Variants in INTS10 observed in about 807,000 individuals in gnomAD.
INTS10 encodes integrator complex subunit 10.
Under a neutral mutation model 94.4 loss-of-function variants are expected in INTS10, and 44 were observed. The ratio of observed to expected loss-of-function variants is 0.47; its 90% CI spans 0.37 to 0.60. The LOEUF (loss-of-function observed/expected upper bound fraction) is 0.60, where lower values mean the gene tolerates loss of function less well. INTS10 is among the 20% of genes least tolerant of loss of function. The pLI is 0.00. For synonymous variants in INTS10, 341 were observed against 320.7 expected, an observed-to-expected ratio of 1.06 and a Z score of -0.68; for missense variants, 797 against 868.7, an observed-to-expected ratio of 0.92 and a Z score of 1.04.
intron 8 of INTS10, among the ~76,000 whole-genome samples, chr8:19,825,303 A>C (rs1271625259): frequency 6.6e-6 from 1 of 152,216 alleles, no homozygotes; most frequent in Non-Finnish European, 1.5e-5. Context: ...AGGCCGGTGA[A>C]TCACTTGAGG....
In INTS10 at chr8:19,849,068, T is replaced by G; in HGVS notation, c.1977-2581T>G. 2.0e-6 allele frequency: 1 copy of G among 508,130 alleles called. No individual in the cohort carries two copies. The highest frequency in any genetic ancestry group is 3.5e-6 in the Non-Finnish European group (1 of 284,748). 31.5% of individuals were successfully genotyped at this position (508,130 alleles called of 1,614,324 possible). A position where few individuals can be genotyped will look rare whatever the true frequency, so the allele number is the denominator to read the frequency against. The stretch of plus-strand genomic sequence containing the variant: ...TTAATGAGTTTCTGTTTAGTCTGCT[T>G]CTAGTCTTGTGTATTTTCTCTGGAG... On this transcript the variant is annotated intron_variant, in intron 16 of 16. Coordinates refer to ENST00000397977, the MANE Select transcript of INTS10 (RefSeq NM_018142.4). This position sits in a 1 kb window ranked among gnomAD's most constrained non-coding sequence, Gnocchi z 4.6.
intron 3 of INTS10, among the ~76,000 whole-genome samples, chr8:19,819,884 G>A (rs768640776): frequency 2.6e-5 from 4 of 152,184 alleles, no homozygotes; most frequent in Non-Finnish European, 4.4e-5. Context: ...TCAGTGAGAC[G>A]AGGAATTAAT....
At chr8:19,847,748 G>A (rs193297380) in intron 16 of INTS10, among the ~76,000 whole-genome samples, 2 of 152,282 alleles carry the variant, frequency 1.3e-5, no homozygotes, top group African/African-American at 4.8e-5. Context: ...AGTGACATAA[G>A]TCCAAGTGGA....
intron 2 of INTS10, 104 bp downstream of exon 2, chr8:19,818,446 T>A: frequency 8.5e-7 from 1 of 1,178,504 alleles, no homozygotes; most frequent in African/African-American, 1.5e-5. Flanking sequence ...CAAGTTCATC[T>A]ATATCTTCGA....
At chr8:19,844,313 A>G (rs1010012849) in intron 15 of INTS10, 75 bp downstream of exon 15, 2 of 1,086,976 alleles carry the variant, frequency 1.8e-6, no homozygotes, top group Admixed American at 4.6e-5. Flanking sequence ...AAAAGAATGA[A>G]CCATTCTGGA....
At chr8:19,818,203 C>G (rs899508956) in intron 1 of INTS10, 72 bp from the exon 2 acceptor site, 2 of 1,474,104 alleles carry the variant, frequency 1.4e-6, no homozygotes, top group East Asian at 2.3e-5. Flanking sequence ...GGAGGGCCAA[C>G]GAGCGATGCT....
At chr8:19,840,719 ATG>A in intron 13 of INTS10, among the ~76,000 whole-genome samples, 1 of 152,100 alleles carries the variant, frequency 6.6e-6, no homozygotes, top group African/African-American at 2.4e-5. Context: ...TACGTTGTAT[ATG>A]TTTGAAGTTT....
At chr8:19,834,674 G>T (rs137897885) in intron 12 of INTS10, among the ~76,000 whole-genome samples, 40 of 152,272 alleles carry the variant, frequency 2.6e-4, no homozygotes, top group African/African-American at 9.4e-4. Context: ...GGCAGTGTCA[G>T]ACTGACCTGA....
chr8:19,832,087 C>T lies in INTS10; in HGVS notation c.1354C>T (p.Leu452Phe), dbSNP rs773301792. 1.3e-6 allele frequency: 2 copies of T among 1,589,982 alleles called. No individual in the cohort carries two copies. Among genetic ancestry groups the T allele is most frequent in the Middle Eastern group, 1.7e-4 (1 of 6,014 alleles). Residue 452 changes from leucine (L) to phenylalanine (F), a missense_variant, in exon 11 of 17, where the codon CTC (leucine) becomes TTC (phenylalanine). Leu to Phe is a conservative substitution (Grantham distance 22). This residue lies in a region of INTS10 where 734 missense variants were observed against 787.8 expected (regional missense o/e 0.93). Transcript: ENST00000397977. ...TDTWLWLRIFLTDMIIYQGQY... is the reference protein window; with the variant it reads ...TDTWLWLRIFFTDMIIYQGQY... ...TACTTGGCTTTGGTTAAGAATCTTCCTCACTGATATGATCATCTATCAGGT... is the reference window on the plus strand; with the variant it reads ...TACTTGGCTTTGGTTAAGAATCTTCTTCACTGATATGATCATCTATCAGGT...
rs770205372 is a variant in INTS10, at chr8:19,817,674, C to A, written c.129+8C>A. Reference sequence around the variant, plus strand: ...GCAGACTTTAACATCCAGGTGAGGTCCCGGCTGTGCATGCGGCCGCTCTGC... The same window carrying A: ...GCAGACTTTAACATCCAGGTGAGGTACCGGCTGTGCATGCGGCCGCTCTGC... On this transcript the variant is annotated splice_region_variant and intron_variant, in intron 1 of 16. Transcript: ENST00000397977. 1 of 1,601,784 alleles carries A rather than the reference C, an allele frequency of 6.2e-7. No individual in the cohort carries two copies.
intron 2 of INTS10, chr8:19,818,557 A>G (rs1458470078): frequency 1.8e-6 from 1 of 555,908 alleles, no homozygotes; most frequent in African/African-American, 1.9e-5. Flanking sequence ...TATCCTTGTT[A>G]AAACTTCTGT....
chr8:19,836,243 A>G (rs1039892837), intron 12 of INTS10, among the ~76,000 whole-genome samples: 1 of 152,022 alleles, frequency 6.6e-6, no homozygotes, highest in Non-Finnish European at 1.5e-5. Flanking sequence ...AAAAGCTCCA[A>G]TTCCTCCTCT....
intron 12 of INTS10, among the ~76,000 whole-genome samples, chr8:19,834,865 A>G (rs1179971810): frequency 6.6e-6 from 1 of 152,182 alleles, no homozygotes; most frequent in East Asian, 1.9e-4. Context: ...TGAAGGCATC[A>G]GCAGATTCAG....
chr8:19,835,711 T>C (rs1590005091), intron 12 of INTS10, among the ~76,000 whole-genome samples: 2 of 152,292 alleles, frequency 1.3e-5, no homozygotes, highest in Admixed American at 1.3e-4. Context: ...AGGCTGCTCA[T>C]CTCTCTAAAC....
Position 19,830,524 on chromosome 8 carries a change from G to A in INTS10, c.1259G>A (p.Trp420Ter). 3 of 1,614,058 alleles carry A rather than the reference G, an allele frequency of 1.9e-6. No homozygotes were observed. The highest frequency in any genetic ancestry group is 2.5e-6 in the Non-Finnish European group (3 of 1,179,944). The stretch of plus-strand genomic sequence containing the variant: ...AGCTTTAAATTGGCCAGGGAGAGCT[G>A]GGAGTTGCTCTATTCCCTAGAATTC... ...LESFKLARES[W>*]ELLYSLEFLD... Residue 420 changes from tryptophan (W) to a stop codon, truncating the protein, a stop_gained, in exon 10 of 17, where the codon TGG (tryptophan) becomes TAG (stop). Transcript: ENST00000397977. LOFTEE classifies it high-confidence loss of function.
intron 11 of INTS10, 23 bp from the exon 12 acceptor site, chr8:19,833,146 C>T (rs760854026): frequency 2.4e-5 from 36 of 1,507,550 alleles, no homozygotes; most frequent in Non-Finnish European, 2.9e-5. Context: ...CTTTTCCCCT[C>T]CTTGCTATTC....
At chr8:19,844,532 C>A (rs2068410897) in intron 15 of INTS10, among the ~76,000 whole-genome samples, 1 of 152,168 alleles carries the variant, frequency 6.6e-6, no homozygotes. Flanking sequence ...CTGATAGGTC[C>A]AGCTTGCCCG....
rs1053136072 is a variant in INTS10, at chr8:19,846,559, C to G, written c.1976+762C>G. Among the ~76,000 whole-genome samples the G allele has an allele frequency of 1.3e-5, 2 of 152,146 alleles. No homozygotes were observed. The highest frequency in any genetic ancestry group is 4.8e-5 in the African/African-American group (2 of 41,412). On this transcript the variant is annotated intron_variant, in intron 16 of 16. Transcript: ENST00000397977. This position sits in a 1 kb window ranked among gnomAD's most constrained non-coding sequence, Gnocchi z 4.2. Reference sequence around the variant, plus strand: ...ACCTATGAAGCCCTCCTATGCAGTCCTCATGACTTACATAACAACGAAGTA... The same window carrying G: ...ACCTATGAAGCCCTCCTATGCAGTCGTCATGACTTACATAACAACGAAGTA...
chr8:19,826,424 A>C lies in INTS10; in HGVS notation c.1007-2A>C. The C allele has an allele frequency of 1.2e-6, 2 of 1,606,884 alleles. No homozygotes were observed. Among genetic ancestry groups the C allele is most frequent in the Non-Finnish European group, 8.5e-7 (1 of 1,177,730 alleles). On this transcript the variant is annotated splice_acceptor_variant, in intron 8 of 16. Transcript: ENST00000397977. LOFTEE classifies it high-confidence loss of function. ...AGTGTTGGTGTTTTTCCCCGTCCTTAGGTCCTAATGCCCCGAGCCAAGTTC... is the reference window on the plus strand; with the variant it reads ...AGTGTTGGTGTTTTTCCCCGTCCTTCGGTCCTAATGCCCCGAGCCAAGTTC...
Sources: gnomAD v4.1 joint callset for allele counts (sites outside exome capture counted in the v4.1 genomes callset) on GRCh38, gnomAD v4.1.1 for gene constraint, gnomAD v4.1.1 regional missense constraint, Gnocchi (gnomAD v3.1) non-coding constraint, MANE v1.5 for transcripts, NCBI Gene and HGNC (gene_info 2026-07-23, HGNC 2026-07-21) for gene names.